TARS3: variants seen among roughly 807,000 people sequenced by gnomAD.
TARS3 encodes threonine--tRNA ligase 2, cytoplasmic.
A neutral mutation model predicts 103.5 loss-of-function variants in TARS3; 94 were observed. The observed-to-expected ratio is 0.91, with a 90% CI of 0.77 to 1.08. TARS3 has a LOEUF of 1.08. Ranked by LOEUF, TARS3 falls within the 50% of genes least tolerant of loss-of-function variation. The pLI, the probability that TARS3 is intolerant of heterozygous loss-of-function variation, is 0.00. For synonymous variants in TARS3, 416 were observed against 355.4 expected (o/e 1.17, Z -1.92); for missense variants, 952 against 995.2 (o/e 0.96, Z 0.58).
At chr15:101,716,941 C>T (rs140523088) in intron 3 of TARS3, among the ~76,000 whole-genome samples, 1,713 of 149,996 alleles carry the variant, frequency 0.011, 32 homozygotes, top group African/African-American at 0.038. Flanking sequence ...ACTGCAACCT[C>T]TACCTTCCGG....
intron 12 of TARS3, among the ~76,000 whole-genome samples, chr15:101,676,580 C>T (rs1023936692): frequency 6.6e-6 from 1 of 152,128 alleles, no homozygotes; most frequent in Admixed American, 6.5e-5. Context: ...CTCACTGCAA[C>T]CTCTGCCTCT....
At chr15:101,655,420 T>C (rs1897163558) in intron 18 of TARS3, among the ~76,000 whole-genome samples, 2 of 139,088 alleles carry the variant, frequency 1.4e-5, no homozygotes, top group Non-Finnish European at 3.1e-5. Context: ...AGGGCGCAAA[T>C]GAGAGCGGGG....
intron 15 of TARS3, among the ~76,000 whole-genome samples, chr15:101,667,126 T>C (rs751736702): frequency 2.0e-5 from 3 of 150,042 alleles, no homozygotes; most frequent in Admixed American, 2.0e-4. Flanking sequence ...AAATGAATCT[T>C]TTTTTTTTTC....
chr15:101,709,262 A>T (rs972793957), intron 5 of TARS3, among the ~76,000 whole-genome samples: 7 of 152,204 alleles, frequency 4.6e-5, no homozygotes, highest in African/African-American at 1.4e-4. Context: ...AGTGCTCATC[A>T]CGTCCCTGCC....
In TARS3 at chr15:101,691,084, G is replaced by A. The variant is rs900501934; in HGVS notation, c.1321-5022C>T. Among the ~76,000 whole-genome samples the A allele has an allele frequency of 6.6e-5, 10 of 151,190 alleles. No individual in the cohort carries two copies. The South Asian group carries it at 8.4e-4, about 13-fold the overall frequency. ...CTCCCGAGTAGCTGGGACTACAGGCGCCCACCACCACGCCTGGCTAATTTT... is the reference window on the plus strand; with the variant it reads ...CTCCCGAGTAGCTGGGACTACAGGCACCCACCACCACGCCTGGCTAATTTT... On this transcript the variant is annotated intron_variant, in intron 10 of 18. Transcript: ENST00000335968.
At chr15:101,698,425 G>C (rs980184285) in intron 10 of TARS3, among the ~76,000 whole-genome samples, 1 of 151,928 alleles carries the variant, frequency 6.6e-6, no homozygotes, top group Non-Finnish European at 1.5e-5. Context: ...ATTTCTTATG[G>C]AAGAGAAAGG....
chr15:101,700,881 A>T (rs1343105030), intron 10 of TARS3, among the ~76,000 whole-genome samples: 1 of 152,124 alleles, frequency 6.6e-6, no homozygotes, highest in Non-Finnish European at 1.5e-5. Context: ...ACCTCAGGTG[A>T]TCTGCCCACC....
intron 12 of TARS3, among the ~76,000 whole-genome samples, chr15:101,681,599 T>C (rs1390147068): frequency 6.6e-6 from 1 of 152,248 alleles, no homozygotes; most frequent in African/African-American, 2.4e-5. Flanking sequence ...CCAAGATCAA[T>C]GTGCCAGCTG....
At chr15:101,701,562 C>T (rs1349103516) in intron 9 of TARS3, among the ~76,000 whole-genome samples, 2 of 152,144 alleles carry the variant, frequency 1.3e-5, no homozygotes, top group Non-Finnish European at 2.9e-5. Context: ...TACCAGGCAC[C>T]GTCACCCAGT....
Position 101,685,975 on chromosome 15 carries a change from G to A in TARS3, c.1408C>T (p.His470Tyr). The A allele has an allele frequency of 1.9e-6, 3 of 1,614,048 alleles. No individual in the cohort carries two copies. The highest frequency in any genetic ancestry group is 2.5e-6 in the Non-Finnish European group (3 of 1,179,906). ...KLWEASGHWQ[H>Y]YSENMFTFEI... The stretch of plus-strand genomic sequence containing the variant: ...AAGGTAAACATGTTCTCGCTGTAAT[G>A]CTGCCAGTGGCCTGAGGCTTCCCAG... The change falls in exon 11 of 19, where the codon CAT (histidine) becomes TAT (tyrosine). Residue 470 changes from histidine to tyrosine, a missense_variant. His to Tyr is a moderately conservative substitution (Grantham distance 83). Transcript: ENST00000335968.
Position 101,701,085 on chromosome 15 carries a change from C to G in TARS3, c.1320+1G>C. ...AATAAAACATTTTAAAGTTAACTTA[C>G]TCGTATGAAATCTGTAAGCGTATTA... On this transcript the variant is annotated splice_donor_variant, in intron 10 of 18. Transcript: ENST00000335968. LOFTEE classifies it high-confidence loss of function. 1 of 1,518,034 alleles carries G rather than the reference C, an allele frequency of 6.6e-7. No homozygotes were observed. The highest frequency in any genetic ancestry group is 8.9e-7 in the Non-Finnish European group (1 of 1,129,650). The allele number at this position is 1,518,034 out of a possible 1,614,324, so 94.0% of individuals were successfully genotyped here.
intron 10 of TARS3, among the ~76,000 whole-genome samples, chr15:101,688,602 A>C (rs1032399420): frequency 6.6e-6 from 1 of 152,240 alleles, no homozygotes; most frequent in African/African-American, 2.4e-5. Context: ...GTAAAAAATA[A>C]GGCAATTCCA....
chr15:101,702,529 G>A (rs1323810594), intron 8 of TARS3, 144 bp from the exon 9 acceptor site: 2 of 700,396 alleles, frequency 2.9e-6, no homozygotes, highest in Non-Finnish European at 4.9e-6. Context: ...CAGCACTTTG[G>A]GAGGCCAAGG....
In TARS3 at chr15:101,702,400, G is replaced by A; in HGVS notation, c.1075-15C>T. 1.9e-6 allele frequency: 3 copies of A among 1,609,690 alleles called. No individual in the cohort carries two copies. Among genetic ancestry groups the A allele is most frequent in the African/African-American group, 2.7e-5 (2 of 74,940 alleles). Reference sequence around the variant, plus strand: ...GTTGAGGAATTCTAAATATCAAAGAGGATTTTGGTAAATATATCATACATT... The same window carrying A: ...GTTGAGGAATTCTAAATATCAAAGAAGATTTTGGTAAATATATCATACATT... On this transcript the variant is annotated splice_polypyrimidine_tract_variant and intron_variant, in intron 8 of 18. Transcript: ENST00000335968.
At chr15:101,703,687 T>A (rs1899397508) in intron 8 of TARS3, among the ~76,000 whole-genome samples, 172 bp downstream of exon 8, 1 of 152,258 alleles carries the variant, frequency 6.6e-6, no homozygotes, top group South Asian at 2.1e-4. Flanking sequence ...TATAGTGTTC[T>A]AATTATCAAA....
chr15:101,667,644 C>T (rs1897632569), intron 15 of TARS3, among the ~76,000 whole-genome samples: 1 of 151,950 alleles, frequency 6.6e-6, no homozygotes, highest in African/African-American at 2.4e-5. Context: ...GGTCTTGGCT[C>T]CCTGCAACTT....
In TARS3 at chr15:101,711,122, C is replaced by T. The variant is rs557513497; in HGVS notation, c.812+758G>A. On this transcript the variant is annotated intron_variant, in intron 5 of 18. Coordinates refer to ENST00000335968, the MANE Select transcript of TARS3 (RefSeq NM_152334.3). ...AATGAGGTCCTTGATTATCACGGAG[C>T]GAATTAAACTAGCCTCTCTCTAGGA... 6.6e-5 allele frequency among the ~76,000 whole-genome samples: 10 copies of T among 152,140 alleles called. No homozygotes were observed. In the South Asian group the frequency reaches 1.0e-3, roughly 16 times the overall value.
At chr15:101,693,424 C>T (rs1035466001) in intron 10 of TARS3, among the ~76,000 whole-genome samples, 1 of 152,070 alleles carries the variant, frequency 6.6e-6, no homozygotes, top group East Asian at 1.9e-4. Flanking sequence ...GGGAAACCAC[C>T]CCCACGATTC....
rs1342025812 is a variant in TARS3, at chr15:101,724,199, G to A, written c.189C>T (p.Asp63=). The A allele has an allele frequency of 3.3e-6, 5 of 1,524,912 alleles. No homozygotes were observed. In the East Asian group the frequency reaches 7.7e-5, roughly 23 times the overall value. 94.5% of individuals were successfully genotyped at this position (1,524,912 alleles called of 1,614,324 possible). A position where few individuals can be genotyped will look rare whatever the true frequency, so the allele number is the denominator to read the frequency against. The part of the protein sequence containing the change: ...EVAQLRAENC[D]LRHRLCSLRL... The stretch of plus-strand genomic sequence containing the variant: ...GCAGGCTGCACAGGCGGTGGCGCAG[G>A]TCGCAGTTCTCGGCCCGGAGCTGCG... The change falls in exon 1 of 19, where the codon GAC becomes GAT. Residue 63 remains aspartate (D), a synonymous_variant. Transcript: ENST00000335968.
Sources: gnomAD v4.1 joint callset for allele counts (sites outside exome capture counted in the v4.1 genomes callset) on GRCh38, gnomAD v4.1.1 for gene constraint, MANE v1.5 for transcripts, NCBI Gene and HGNC (gene_info 2026-07-23, HGNC 2026-07-21) for gene names.